ZNF138: variants seen among roughly 807,000 people sequenced by gnomAD.
ZNF138 encodes the protein zinc finger protein 138 (clone pHZ-32).
A neutral mutation model predicts 33.0 loss-of-function variants in ZNF138; 33 were observed. The ratio of observed to expected loss-of-function variants is 1.00; its 90% CI spans 0.76 to 1.34. ZNF138 has a LOEUF of 1.34. Ranked by LOEUF, ZNF138 falls within the 40% of genes most tolerant of loss-of-function variation. The probability of loss-of-function intolerance (pLI) is 0.00; values close to 1 mark genes in which losing one functional copy is unlikely to be tolerated. For synonymous variants in ZNF138, 139 were observed against 120.4 expected (o/e 1.15, Z -1.01); for missense variants, 360 against 370.8 (o/e 0.97, Z 0.24).
At chr7:64,826,930 G>A (rs1412224562) in intron 3 of ZNF138, among the ~76,000 whole-genome samples, 1 of 152,140 alleles carries the variant, frequency 6.6e-6, no homozygotes, top group African/African-American at 2.4e-5. Context: ...GATTACAGGT[G>A]TGAGCCACTG....
the ZNF138 span, among the ~76,000 whole-genome samples, chr7:64,840,691 A>T: frequency 6.6e-6 from 1 of 150,640 alleles, no homozygotes; most frequent in Non-Finnish European, 1.5e-5. Flanking sequence ...TAAAACCCTG[A>T]GTCTTAAAAT....
intron 1 of ZNF138, among the ~76,000 whole-genome samples, chr7:64,799,206 G>T (rs1483200247): frequency 6.6e-6 from 1 of 150,970 alleles, no homozygotes; most frequent in Non-Finnish European, 1.5e-5. Flanking sequence ...TGCTCTTGTT[G>T]CCCAGGCTGG....
chr7:64,828,668 G>A (rs1022576085), intron 3 of ZNF138, among the ~76,000 whole-genome samples: 6 of 151,978 alleles, frequency 3.9e-5, no homozygotes, highest in African/African-American at 7.2e-5. Flanking sequence ...TATATATGTT[G>A]CATTCTATTT....
chr7:64,806,511 T>G (rs1457350075), intron 1 of ZNF138, among the ~76,000 whole-genome samples: 2 of 152,200 alleles, frequency 1.3e-5, no homozygotes, highest in African/African-American at 4.8e-5. Flanking sequence ...CACCTGCTGC[T>G]ACTCCACCCA....
At chr7:64,843,405 C>T in the ZNF138 span, among the ~76,000 whole-genome samples, 1 of 152,150 alleles carries the variant, frequency 6.6e-6, no homozygotes, top group Admixed American at 6.5e-5. Flanking sequence ...TGACTGTCCT[C>T]ATTCACATTC....
At chr7:64,838,306 T>A (rs936412696), downstream of ZNF138, among the ~76,000 whole-genome samples, 1 of 152,174 alleles carries the variant, frequency 6.6e-6, no homozygotes, top group African/African-American at 2.4e-5. Context: ...CACGGGCGTG[T>A]TGGCGGCTTG....
chr7:64,858,553 A>G, the ZNF138 span, among the ~76,000 whole-genome samples: 4 of 152,314 alleles, frequency 2.6e-5, 1 homozygote, highest in South Asian at 8.3e-4. Flanking sequence ...TCAGGATATG[A>G]TTCAGTTCCC....
intron 1 of ZNF138, among the ~76,000 whole-genome samples, chr7:64,797,925 T>G (rs1786823308): frequency 6.6e-6 from 1 of 151,790 alleles, no homozygotes; most frequent in Admixed American, 6.6e-5. Context: ...TAAATCAGAT[T>G]TTATTTTTTA....
chr7:64,858,907 T>G, the ZNF138 span, among the ~76,000 whole-genome samples: 1 of 152,204 alleles, frequency 6.6e-6, no homozygotes, highest in Non-Finnish European at 1.5e-5. Flanking sequence ...ACATTTAGGT[T>G]GATTCCATAT....
At chr7:64,844,485 G>A in the ZNF138 span, among the ~76,000 whole-genome samples, 6 of 152,146 alleles carry the variant, frequency 3.9e-5, no homozygotes, top group East Asian at 3.9e-4. Flanking sequence ...GTCTGGAGTC[G>A]ATCTCTGAAA....
chr7:64,824,176 T>G (rs990301307), intron 3 of ZNF138, among the ~76,000 whole-genome samples: 1 of 152,068 alleles, frequency 6.6e-6, no homozygotes, highest in African/African-American at 2.4e-5. Context: ...GGGGGCAAAT[T>G]TTTCATGAAT....
At chr7:64,838,277 C>T (rs903586059), downstream of ZNF138, among the ~76,000 whole-genome samples, 1 of 152,178 alleles carries the variant, frequency 6.6e-6, no homozygotes, top group African/African-American at 2.4e-5. Context: ...TCCAGTGCCC[C>T]ATTTGTTGGC....
chr7:64,822,544 G>A (rs867480240), intron 3 of ZNF138, among the ~76,000 whole-genome samples: 1 of 151,376 alleles, frequency 6.6e-6, no homozygotes, highest in Admixed American at 6.6e-5. Context: ...TCCAAGAGAC[G>A]ATCTTTTCTC....
chr7:64,797,040 A>C (rs1257540357), intron 1 of ZNF138, among the ~76,000 whole-genome samples: 2 of 152,156 alleles, frequency 1.3e-5, no homozygotes, highest in African/African-American at 4.8e-5. Context: ...ACAGAGCGAG[A>C]CTCCATCTCA....
rs201250689 is a variant in ZNF138, at chr7:64,819,907, AT to A, written c.208+4269del. Among the ~76,000 whole-genome samples the A allele has an allele frequency of 8.3e-3, 1,179 of 142,722 alleles. 21 individuals carry two copies. The highest frequency in any genetic ancestry group is 0.015 in the African/African-American group (556 of 38,140). The allele number at this position is 142,722 out of a possible 152,430, so 93.6% of individuals were successfully genotyped here. A position where few individuals can be genotyped will look rare whatever the true frequency, so the allele number is the denominator to read the frequency against. ...GGGAAACATGGAGATTCAACTACAA[AT>A]TTTTTTTTTTTTTTAATAGCCAGGC... On this transcript the variant is annotated intron_variant, in intron 3 of 3. Coordinates refer to ENST00000307355, the MANE Select transcript of ZNF138 (RefSeq NM_001271639.2).
the ZNF138 span, chr7:64,852,812 C>G: frequency 1.2e-6 from 1 of 845,456 alleles, no homozygotes; most frequent in African/African-American, 1.7e-5. Context: ...GATAAATTCA[C>G]TGGGCTGACA....
chr7:64,832,057 T>C lies in ZNF138; in HGVS notation c.815T>C (p.Ile272Thr). 1 of 1,613,976 alleles carries C rather than the reference T, an allele frequency of 6.2e-7. No individual in the cohort carries two copies. The highest frequency in any genetic ancestry group is 8.5e-7 in the Non-Finnish European group (1 of 1,179,928). Residue 272 changes from isoleucine (I) to threonine (T), a missense_variant, in exon 4 of 4, where the codon ATT (isoleucine) becomes ACT (threonine). Transcript: ENST00000307355. ...TCACACCTTACTAGACATAAGATAA[T>C]TCATACTGAAGAGAAACCCTACAAA... ...QSSHLTRHKI[I>T]HTEEKPYKCE...
downstream of ZNF138, among the ~76,000 whole-genome samples, chr7:64,838,414 C>CG (rs1470600762): frequency 9.2e-4 from 4 of 4,358 alleles, no homozygotes; most frequent in Non-Finnish European, 0.038. Flanking sequence ...CACCGGCTGG[C>CG]CGTGTCCTGA....
the ZNF138 span, among the ~76,000 whole-genome samples, chr7:64,840,350 A>G: frequency 6.6e-6 from 1 of 152,156 alleles, no homozygotes; most frequent in Non-Finnish European, 1.5e-5. Context: ...CCAATAATTT[A>G]TTTTGCCAGT....
Sources: gnomAD v4.1 joint callset for allele counts (sites outside exome capture counted in the v4.1 genomes callset) on GRCh38, gnomAD v4.1.1 for gene constraint, MANE v1.5 for transcripts, NCBI Gene and HGNC (gene_info 2026-07-23, HGNC 2026-07-21) for gene names.